GTF2IRD1: variants seen among roughly 807,000 people sequenced by gnomAD.
GTF2IRD1 encodes GTF2I repeat domain containing 1.
Under a neutral mutation model 113.2 loss-of-function variants are expected in GTF2IRD1, and 26 were observed. The observed-to-expected ratio is 0.23, with a 90% confidence interval of 0.17 to 0.32. The LOEUF is 0.32. Ranked by LOEUF, GTF2IRD1 falls within the 10% of genes least tolerant of loss-of-function variation. The pLI, the probability that GTF2IRD1 is intolerant of heterozygous loss-of-function variation, is 1.00. For synonymous variants in GTF2IRD1, 484 were observed against 529.1 expected (o/e 0.91, Z 1.17); for missense variants, 864 against 1,280.8 (o/e 0.67, Z 4.97).
intron 8 of GTF2IRD1, 90 bp from the exon 9 acceptor site, chr7:74,529,644 G>A (rs781023540): frequency 4.2e-5 from 43 of 1,012,378 alleles, no homozygotes; most frequent in Admixed American, 6.2e-5. Flanking sequence ...GAGTGGGGAC[G>A]GTGGGAGGTG....
At chr7:74,567,349 A>G (rs1554360995) in intron 22 of GTF2IRD1, among the ~76,000 whole-genome samples, 2 of 151,516 alleles carry the variant, frequency 1.3e-5, no homozygotes, top group African/African-American at 4.8e-5. Flanking sequence ...GAAAAAAAAA[A>G]GGAGAGAGAG....
intron 2 of GTF2IRD1, among the ~76,000 whole-genome samples, chr7:74,508,468 G>T (rs1554341815): frequency 1.3e-5 from 2 of 152,110 alleles, no homozygotes; most frequent in East Asian, 3.9e-4. Flanking sequence ...GGGGTCGGTG[G>T]ATCACTAGGT....
Position 74,500,677 on chromosome 7 carries a change from C to T in GTF2IRD1, c.-6-7398C>T, listed in dbSNP as rs371592574. Among the ~76,000 whole-genome samples, 4 of 152,148 alleles carry T rather than the reference C, an allele frequency of 2.6e-5. No homozygotes were observed. In the East Asian group the frequency reaches 7.7e-4, roughly 29 times the overall value. The stretch of plus-strand genomic sequence containing the variant: ...TTCTGTCTCATACACGCACACCCGT[C>T]GCATTTGCATGCTCTGACACACAGA... On this transcript the variant is annotated intron_variant, in intron 1 of 26. Coordinates refer to ENST00000424337, the MANE Select transcript of GTF2IRD1 (RefSeq NM_005685.4).
chr7:74,551,463 C>T (rs1172527174), intron 17 of GTF2IRD1, among the ~76,000 whole-genome samples: 32 of 152,234 alleles, frequency 2.1e-4, no homozygotes, highest in Admixed American at 1.3e-4. Flanking sequence ...GCCACCAAGT[C>T]CTGCCCTGGA....
At chr7:74,491,774 T>C (rs781629186) in intron 1 of GTF2IRD1, among the ~76,000 whole-genome samples, 7 of 152,174 alleles carry the variant, frequency 4.6e-5, no homozygotes, top group Non-Finnish European at 5.9e-5. Flanking sequence ...TTGTGAATAG[T>C]GCTGCAGTAA....
intron 8 of GTF2IRD1, among the ~76,000 whole-genome samples, chr7:74,526,608 T>C (rs1026438983): frequency 2.0e-5 from 3 of 152,180 alleles, no homozygotes; most frequent in African/African-American, 7.2e-5. Context: ...ATGGTGGCAC[T>C]GCATGAAGGC....
chr7:74,469,667 T>C (rs1793967735), intron 1 of GTF2IRD1, among the ~76,000 whole-genome samples: 1 of 152,204 alleles, frequency 6.6e-6, no homozygotes, highest in South Asian at 2.1e-4. Context: ...ATTTATCTGT[T>C]CATCAGTTAT....
rs1554374015 is a variant in GTF2IRD1 at position 74,601,288 on chromosome 7, T to C, written c.2766+108T>C. The C allele has an allele frequency of 3.9e-6, 6 of 1,547,756 alleles. No individual in the cohort carries two copies. In the East Asian group the frequency reaches 1.5e-4, roughly 38 times the overall value. On this transcript the variant is annotated intron_variant, in intron 26 of 26. Transcript: ENST00000424337. The stretch of plus-strand genomic sequence containing the variant: ...GTGGGCCCAGGGGACGGGGAGGCAC[T>C]GGGCTTTGAGTGGGGACCTTCCGGC...
chr7:74,456,465 C>T (rs898804822), intron 1 of GTF2IRD1, among the ~76,000 whole-genome samples: 8 of 151,994 alleles, frequency 5.3e-5, no homozygotes, highest in East Asian at 1.9e-4. Flanking sequence ...GGGTGGATCA[C>T]GAGGTCAGGA....
At chr7:74,505,265 C>G (rs1235021277) in intron 1 of GTF2IRD1, among the ~76,000 whole-genome samples, 1 of 152,214 alleles carries the variant, frequency 6.6e-6, no homozygotes, top group Non-Finnish European at 1.5e-5. Flanking sequence ...CCGAGGTGCT[C>G]CTAGCAGACG....
intron 2 of GTF2IRD1, among the ~76,000 whole-genome samples, chr7:74,511,327 C>T (rs1189668294): frequency 2.0e-5 from 3 of 152,220 alleles, no homozygotes; most frequent in Admixed American, 2.0e-4. Flanking sequence ...CGCCCCCAAT[C>T]TCATCCTCTT....
At chr7:74,568,520 C>T (rs1180534383) in intron 22 of GTF2IRD1, among the ~76,000 whole-genome samples, 1 of 151,956 alleles carries the variant, frequency 6.6e-6, no homozygotes, top group African/African-American at 2.4e-5. Flanking sequence ...TGATGGCGGG[C>T]ACCTGTAGTC....
intron 14 of GTF2IRD1, among the ~76,000 whole-genome samples, chr7:74,542,756 C>T (rs115018125): frequency 2.0e-3 from 308 of 152,314 alleles, no homozygotes; most frequent in African/African-American, 6.9e-3. Flanking sequence ...GGAATTGGCA[C>T]GGTGCCCAGC....
At chr7:74,597,874 G>A (rs1189863274) in intron 25 of GTF2IRD1, among the ~76,000 whole-genome samples, 1 of 152,092 alleles carries the variant, frequency 6.6e-6, no homozygotes, top group African/African-American at 2.4e-5. Flanking sequence ...AACAGGGACA[G>A]TGATAGGATT....
intron 22 of GTF2IRD1, among the ~76,000 whole-genome samples, chr7:74,587,572 C>CCGAA (rs1488609495): frequency 6.6e-6 from 1 of 152,150 alleles, no homozygotes; most frequent in Non-Finnish European, 1.5e-5. Context: ...CTCACCCTTA[C>CCGAA]CGAACCCGCC....
intron 22 of GTF2IRD1, among the ~76,000 whole-genome samples, chr7:74,567,698 G>A (rs1166873904): frequency 6.6e-6 from 1 of 152,142 alleles, no homozygotes. Flanking sequence ...CACACATCGG[G>A]GGGGTCAGGT....
Position 74,579,794 on chromosome 7 carries a change from A to AT in GTF2IRD1, c.2321-10048dup, listed in dbSNP as rs879985654. Among the ~76,000 whole-genome samples the AT allele has an allele frequency of 1.2e-3, 175 of 151,320 alleles. 1 individual carries two copies. Among genetic ancestry groups the AT allele is most frequent in the African/African-American group, 3.5e-3 (144 of 41,290 alleles). On this transcript the variant is annotated intron_variant, in intron 22 of 26. Coordinates refer to ENST00000424337, the MANE Select transcript of GTF2IRD1 (RefSeq NM_005685.4). ...GATCTTGCTATGTTGCCCAGGCTAC[A>AT]TTTTTTTTTAAATCATGAGTTTTTG... is the stretch of plus-strand genomic sequence containing the variant.
chr7:74,523,669 T>G (rs1346825465), intron 7 of GTF2IRD1, among the ~76,000 whole-genome samples: 2 of 151,822 alleles, frequency 1.3e-5, no homozygotes, highest in African/African-American at 4.8e-5. Context: ...TGCAGTGAGC[T>G]GAGACCACGC....
chr7:74,488,259 A>G (rs931759169), intron 1 of GTF2IRD1, among the ~76,000 whole-genome samples: 1 of 152,030 alleles, frequency 6.6e-6, no homozygotes, highest in Non-Finnish European at 1.5e-5. Flanking sequence ...ACTCCAGCCT[A>G]GAGACAGAGT....
Sources: allele counts gnomAD v4.1 joint callset (sites outside exome capture counted in the v4.1 genomes callset), GRCh38; gene constraint gnomAD v4.1.1; transcripts MANE v1.5; gene names NCBI Gene and HGNC (gene_info 2026-07-23, HGNC 2026-07-21).